The following MRPS6 variants were observed in gnomAD, a reference collection of about 807,000 sequenced individuals.
MRPS6 encodes the protein mitochondrial ribosomal protein S6.
A neutral mutation model predicts 13.1 loss-of-function variants in MRPS6; 6 were observed. The observed-to-expected ratio is 0.46, with a 90% confidence interval of 0.25 to 0.91. The LOEUF (loss-of-function observed/expected upper bound fraction) is 0.91. MRPS6 is among the 40% of genes least tolerant of loss of function. The pLI is 0.18. For missense variants in MRPS6, 164 were observed against 155.6 expected, an observed-to-expected ratio of 1.05 and a Z score of -0.29; for synonymous variants, 61 against 56.5, an observed-to-expected ratio of 1.08 and a Z score of -0.36.
chr21:34,130,586 G>A (rs1212259323), intron 2 of MRPS6, among the ~76,000 whole-genome samples: 1 of 152,130 alleles, frequency 6.6e-6, no homozygotes, highest in Non-Finnish European at 1.5e-5. Flanking sequence ...GGGCCATGTA[G>A]TAGAGAGTTT....
intron 1 of MRPS6, among the ~76,000 whole-genome samples, chr21:34,076,845 T>C (rs1275408384): frequency 6.6e-6 from 1 of 152,230 alleles, no homozygotes; most frequent in Admixed American, 6.5e-5. Context: ...TTAAAAGTCC[T>C]GTTACACCCA....
At chr21:34,115,729 G>A (rs1392420777) in intron 1 of MRPS6, among the ~76,000 whole-genome samples, 1 of 152,044 alleles carries the variant, frequency 6.6e-6, no homozygotes, top group Non-Finnish European at 1.5e-5. Context: ...AGACTTGGGA[G>A]AAGAAATTCT....
At chr21:34,076,493 G>A (rs1334572979) in intron 1 of MRPS6, among the ~76,000 whole-genome samples, 2 of 152,082 alleles carry the variant, frequency 1.3e-5, no homozygotes, top group Non-Finnish European at 2.9e-5. Context: ...CCAATACTAT[G>A]TTTTTCTCAG....
At chr21:34,135,449 CCA>C (rs1569425830) in intron 2 of MRPS6, 2 of 473,108 alleles carry the variant, frequency 4.2e-6, no homozygotes, top group East Asian at 1.3e-4. Context: ...TTGGACTTGG[CCA>C]CACATGCCAG....
intron 1 of MRPS6, 122 bp downstream of exon 1, chr21:34,073,867 CG>C: frequency 2.1e-6 from 1 of 466,018 alleles, no homozygotes. Context: ...CGGAGGAGGC[CG>C]GGGCGGCGGG....
chr21:34,104,556 C>G (rs1979394363), intron 1 of MRPS6: 8 of 998,370 alleles, frequency 8.0e-6, no homozygotes, highest in Non-Finnish European at 9.7e-6. Flanking sequence ...AGAAGGAAGA[C>G]TATATCTGGT....
chr21:34,085,555 A>G (rs112967884), intron 1 of MRPS6, among the ~76,000 whole-genome samples: 1 of 151,580 alleles, frequency 6.6e-6, no homozygotes, highest in African/African-American at 2.4e-5. Flanking sequence ...GCAAACTTAG[A>G]TATATCATTT....
intron 1 of MRPS6, chr21:34,095,537 G>C (rs1248314405): frequency 6.2e-7 from 1 of 1,613,678 alleles, no homozygotes; most frequent in East Asian, 2.2e-5. Flanking sequence ...CTGAATACTT[G>C]TCCAAGCGAT....
At chr21:34,104,556 C>T in intron 1 of MRPS6, 1 of 998,488 alleles carries the variant, frequency 1.0e-6, no homozygotes, top group Non-Finnish European at 1.2e-6. Context: ...AGAAGGAAGA[C>T]TATATCTGGT....
chr21:34,135,946 A>T, intron 2 of MRPS6: 1 of 417,158 alleles, frequency 2.4e-6, no homozygotes, highest in East Asian at 5.5e-5. Context: ...GGAATCCTGC[A>T]GGGAAATGTC....
chr21:34,125,135 C>A, intron 1 of MRPS6: 1 of 756,906 alleles, frequency 1.3e-6, no homozygotes, highest in Non-Finnish European at 1.9e-6. Flanking sequence ...AGATATTCCT[C>A]GTATCTGTGA....
intron 1 of MRPS6, chr21:34,106,398 A>G (rs1449114128): frequency 6.1e-6 from 1 of 164,066 alleles, no homozygotes; most frequent in Non-Finnish European, 1.4e-5. Context: ...TCCCCCTACT[A>G]ATTTTTGTCA....
At chr21:34,103,385 C>A in intron 1 of MRPS6, 2 of 995,036 alleles carry the variant, frequency 2.0e-6, no homozygotes, top group Non-Finnish European at 2.4e-6. Context: ...TTCAGTGAAA[C>A]CAGGTAGTTC....
intron 1 of MRPS6, among the ~76,000 whole-genome samples, chr21:34,110,069 T>G (rs939445893): frequency 6.6e-6 from 1 of 152,202 alleles, no homozygotes; most frequent in Non-Finnish European, 1.5e-5. Context: ...TTCCCTGAGA[T>G]AACATGTTGC....
chr21:34,095,693 C>G, intron 1 of MRPS6: 1 of 1,613,836 alleles, frequency 6.2e-7, no homozygotes, highest in Non-Finnish European at 8.5e-7. Context: ...TCATCCTGCT[C>G]ATTGGCATGA....
At chr21:34,131,985 A>T (rs530839491) in intron 2 of MRPS6, among the ~76,000 whole-genome samples, 3 of 152,258 alleles carry the variant, frequency 2.0e-5, no homozygotes. Context: ...AAGTTTGCCC[A>T]GATGAATAGG....
intron 1 of MRPS6, among the ~76,000 whole-genome samples, chr21:34,110,539 A>C (rs1287701368): frequency 1.3e-5 from 2 of 152,230 alleles, no homozygotes; most frequent in Admixed American, 1.3e-4. Context: ...TGTGTATTGA[A>C]TACCACTCAT....
chr21:34,083,268 G>C (rs578040217), intron 1 of MRPS6, among the ~76,000 whole-genome samples: 1 of 152,330 alleles, frequency 6.6e-6, no homozygotes, highest in Middle Eastern at 3.4e-3. Flanking sequence ...CTGCTGGGAA[G>C]ATGCTCTTGC....
intron 1 of MRPS6, among the ~76,000 whole-genome samples, chr21:34,121,517 A>T (rs1186687880): frequency 6.6e-6 from 1 of 151,710 alleles, no homozygotes; most frequent in African/African-American, 2.4e-5. Flanking sequence ...TTTTCAAATG[A>T]ATGTTTTCAG....
Sources: gnomAD v4.1 joint callset for allele counts (sites outside exome capture counted in the v4.1 genomes callset) on GRCh38, gnomAD v4.1.1 for gene constraint, MANE v1.5 for transcripts, NCBI Gene and HGNC (gene_info 2026-07-23, HGNC 2026-07-21) for gene names.